The following CPXM2 variants were observed in gnomAD, a reference collection of about 807,000 sequenced individuals.
CPXM2 encodes carboxypeptidase X, M14 family member 2, also known as inactive carboxypeptidase-like protein X2.
A neutral mutation model predicts 86.1 loss-of-function variants in CPXM2; 66 were observed. The ratio of observed to expected loss-of-function variants is 0.77; its 90% CI spans 0.63 to 0.94. The LOEUF (loss-of-function observed/expected upper bound fraction) is 0.94, where lower values mean the gene tolerates loss of function less well. Ranked by LOEUF, CPXM2 falls within the 40% of genes least tolerant of loss-of-function variation. CPXM2 has a pLI of 0.00. For synonymous variants in CPXM2, 388 were observed against 400.2 expected (o/e 0.97, Z 0.36); for missense variants, 948 against 1,026.3 (o/e 0.92, Z 1.04).
upstream of CPXM2, among the ~76,000 whole-genome samples, chr10:123,896,173 C>T (rs79454501): frequency 1.1e-3 from 167 of 152,314 alleles, no homozygotes; most frequent in African/African-American, 3.5e-3. Flanking sequence ...TTTTTCATTA[C>T]GGACTTTTCA....
At chr10:123,751,447 T>G (rs917734484) in intron 13 of CPXM2, 1 of 940,474 alleles carries the variant, frequency 1.1e-6, no homozygotes. Context: ...CTAAGAAGGT[T>G]TGCGTCTTTC....
Position 123,816,386 on chromosome 10 carries a change from C to G in CPXM2, c.654-17187G>C, listed in dbSNP as rs189212597. The stretch of plus-strand genomic sequence containing the variant: ...GGCCAAATGGAAGCCTTTAGAGCTG[C>G]CTCTACCTAGAAAAATAATAAATCA... On this transcript the variant is annotated intron_variant, in intron 4 of 13. Coordinates refer to ENST00000241305, the MANE Select transcript of CPXM2 (RefSeq NM_198148.3). 5.3e-3 allele frequency among the ~76,000 whole-genome samples: 811 copies of G among 152,276 alleles called. 8 individuals carry two copies. Among genetic ancestry groups the G allele is most frequent in the Admixed American group, 0.013 (199 of 15,294 alleles).
chr10:123,791,486 T>C (rs535614761), intron 6 of CPXM2, among the ~76,000 whole-genome samples: 1 of 152,274 alleles, frequency 6.6e-6, no homozygotes, highest in Non-Finnish European at 1.5e-5. Flanking sequence ...TAGGGGAGGA[T>C]CCTTCCCTGC....
chr10:123,934,205 G>A (rs867872802), intron 2 of CPXM2, among the ~76,000 whole-genome samples: 16 of 152,144 alleles, frequency 1.1e-4, no homozygotes, highest in South Asian at 4.2e-4. Flanking sequence ...TGCACTTCAC[G>A]GGGCTGCCAT....
chr10:123,873,144 G>A (rs191804139), intron 2 of CPXM2, among the ~76,000 whole-genome samples: 6 of 152,190 alleles, frequency 3.9e-5, no homozygotes, highest in Non-Finnish European at 7.4e-5. Context: ...TATACATTAC[G>A]ATTTATACTT....
At chr10:123,850,001 T>C (rs1371990576) in intron 3 of CPXM2, among the ~76,000 whole-genome samples, 1 of 152,208 alleles carries the variant, frequency 6.6e-6, no homozygotes, top group Non-Finnish European at 1.5e-5. Flanking sequence ...GTTTTCTTAT[T>C]TTCAAACTTT....
intron 3 of CPXM2, among the ~76,000 whole-genome samples, chr10:123,844,675 C>A (rs1848461309): frequency 6.6e-6 from 1 of 152,114 alleles, no homozygotes; most frequent in East Asian, 1.9e-4. Context: ...CAACTTTGAT[C>A]TCTGATAAAA....
At chr10:123,935,395 G>A (rs1454285093) in intron 2 of CPXM2, among the ~76,000 whole-genome samples, 1 of 152,094 alleles carries the variant, frequency 6.6e-6, no homozygotes, top group African/African-American at 2.4e-5. Context: ...CCTGGGTGGG[G>A]CCACAGAGAC....
intron 2 of CPXM2, among the ~76,000 whole-genome samples, chr10:123,864,812 C>CA (rs899794589): frequency 3.4e-4 from 52 of 152,128 alleles, no homozygotes; most frequent in African/African-American, 1.2e-3. Flanking sequence ...TATTTTAATT[C>CA]AAAAAAGGAA....
intron 6 of CPXM2, among the ~76,000 whole-genome samples, chr10:123,785,974 G>T (rs1215548967): frequency 1.3e-5 from 2 of 152,172 alleles, no homozygotes; most frequent in African/African-American, 4.8e-5. Context: ...CTAGGCAGAT[G>T]CATGCCTGCA....
At chr10:123,804,940 G>A (rs1054767571) in intron 4 of CPXM2, among the ~76,000 whole-genome samples, 2 of 151,946 alleles carry the variant, frequency 1.3e-5, no homozygotes, top group Non-Finnish European at 2.9e-5. Context: ...TCAGCTAGTC[G>A]ACTGTGTAAG....
intron 4 of CPXM2, among the ~76,000 whole-genome samples, chr10:123,813,416 T>G (rs548488419): frequency 1.3e-5 from 2 of 152,218 alleles, no homozygotes; most frequent in Non-Finnish European, 2.9e-5. Context: ...TTCTTTGGTC[T>G]TCATCATGCT....
At chr10:123,941,322 C>G (rs1462636229), upstream of CPXM2, among the ~76,000 whole-genome samples, 1 of 152,332 alleles carries the variant, frequency 6.6e-6, no homozygotes, top group East Asian at 1.9e-4. Flanking sequence ...TCTTCCTAGC[C>G]TCTGCTGGTT....
At chr10:123,783,284 A>G (rs1379776705) in intron 6 of CPXM2, among the ~76,000 whole-genome samples, 5 of 152,186 alleles carry the variant, frequency 3.3e-5, no homozygotes, top group Non-Finnish European at 7.3e-5. Context: ...AATTTACTCT[A>G]TGGATTCATC....
At chr10:123,937,687 C>A (rs1490762735) in intron 2 of CPXM2, among the ~76,000 whole-genome samples, 1 of 152,136 alleles carries the variant, frequency 6.6e-6, no homozygotes, top group African/African-American at 2.4e-5. Flanking sequence ...TTCTGAGCAT[C>A]CTGACTGCTT....
intron 4 of CPXM2, among the ~76,000 whole-genome samples, chr10:123,800,210 T>G (rs1201352552): frequency 6.6e-6 from 1 of 151,582 alleles, no homozygotes; most frequent in Non-Finnish European, 1.5e-5. Context: ...TGCATTCTGG[T>G]TCATCCGACT....
chr10:123,937,553 C>G (rs1347734995), intron 2 of CPXM2, among the ~76,000 whole-genome samples: 1 of 150,558 alleles, frequency 6.6e-6, no homozygotes, highest in Admixed American at 6.6e-5. Context: ...GAAGCTGTTT[C>G]CACTGGAATT....
chr10:123,922,163 C>A (rs1017992729), intron 2 of CPXM2, among the ~76,000 whole-genome samples: 1 of 152,096 alleles, frequency 6.6e-6, no homozygotes, highest in Non-Finnish European at 1.5e-5. Context: ...GCACCCATGC[C>A]CCACACTTGT....
chr10:123,893,002 T>C (rs1945299112), upstream of CPXM2, among the ~76,000 whole-genome samples: 1 of 152,248 alleles, frequency 6.6e-6, no homozygotes, highest in African/African-American at 2.4e-5. Flanking sequence ...AATTCTGTGC[T>C]TTTAAGAGAG....
Sources: gnomAD v4.1 joint callset for allele counts (sites outside exome capture counted in the v4.1 genomes callset) on GRCh38, gnomAD v4.1.1 for gene constraint, MANE v1.5 for transcripts, NCBI Gene and HGNC (gene_info 2026-07-23, HGNC 2026-07-21) for gene names.